Variants in NDUFAF2 observed in about 807,000 individuals in gnomAD.
NDUFAF2 encodes NADH dehydrogenase [ubiquinone] 1 alpha subcomplex assembly factor 2.
Under a neutral mutation model 22.8 loss-of-function variants are expected in NDUFAF2, and 13 were observed. The observed-to-expected ratio is 0.57, with a 90% CI of 0.37 to 0.91. The LOEUF is 0.91. NDUFAF2 is among the 40% of genes least tolerant of loss of function. NDUFAF2 has a pLI of 0.01. For missense variants in NDUFAF2, 162 were observed against 195.2 expected (o/e 0.83, Z 1.01); for synonymous variants, 53 against 64.2 (o/e 0.83, Z 0.84).
At position 61,027,076 on chromosome 5, in the gene NDUFAF2, T is replaced by C. The variant is rs1751659619; in HGVS notation, c.128-46049T>C. Among the ~76,000 whole-genome samples, 7 of 151,698 alleles carry C rather than the reference T, an allele frequency of 4.6e-5. No homozygotes were observed. The South Asian group carries it at 1.0e-3, about 22-fold the overall frequency. Reference sequence around the variant, plus strand: ...AAAATTATATTTAATTTAATATTAGTTTATAAAAAGTGAGAACATTACCCA... The same window carrying C: ...AAAATTATATTTAATTTAATATTAGCTTATAAAAAGTGAGAACATTACCCA... On this transcript the variant is annotated intron_variant, in intron 1 of 3. Coordinates refer to ENST00000296597, the MANE Select transcript of NDUFAF2 (RefSeq NM_174889.5).
intron 1 of NDUFAF2, among the ~76,000 whole-genome samples, chr5:61,026,710 T>C (rs1751654522): frequency 6.6e-6 from 1 of 152,084 alleles, no homozygotes; most frequent in Admixed American, 6.6e-5. Context: ...AAAAATTTTT[T>C]GAATGGATAT....
intron 3 of NDUFAF2, among the ~76,000 whole-genome samples, chr5:61,136,796 G>T (rs1323070992): frequency 6.6e-6 from 1 of 152,200 alleles, no homozygotes; most frequent in East Asian, 1.9e-4. Context: ...ACACATCACA[G>T]AGTTGTTCCA....
At chr5:61,033,807 A>T (rs1465458840) in intron 1 of NDUFAF2, among the ~76,000 whole-genome samples, 2 of 152,192 alleles carry the variant, frequency 1.3e-5, no homozygotes, top group Admixed American at 1.3e-4. Flanking sequence ...CTCAAACAAA[A>T]AAAAGTTGTA....
intron 1 of NDUFAF2, among the ~76,000 whole-genome samples, chr5:60,985,945 G>A (rs530780010): frequency 7.9e-4 from 121 of 152,238 alleles, no homozygotes; most frequent in African/African-American, 2.8e-3. Flanking sequence ...AGAACTACAA[G>A]GAGATATCTC....
chr5:60,976,142 T>C (rs1750899193), intron 1 of NDUFAF2, among the ~76,000 whole-genome samples: 1 of 152,026 alleles, frequency 6.6e-6, no homozygotes, highest in Non-Finnish European at 1.5e-5. Context: ...GGGTCTACTA[T>C]AAAGTAAATA....
chr5:61,098,094 A>G (rs1346965991), intron 2 of NDUFAF2, among the ~76,000 whole-genome samples: 1 of 152,202 alleles, frequency 6.6e-6, no homozygotes, highest in Non-Finnish European at 1.5e-5. Flanking sequence ...GAATAATAGT[A>G]ATAATTATAC....
intron 1 of NDUFAF2, among the ~76,000 whole-genome samples, chr5:60,997,731 T>C (rs1272960372): frequency 6.6e-6 from 1 of 152,210 alleles, no homozygotes; most frequent in Admixed American, 6.5e-5. Flanking sequence ...CAGGATCTGC[T>C]TTTCCGTTCT....
intron 1 of NDUFAF2, among the ~76,000 whole-genome samples, chr5:61,030,280 A>G (rs1751707041): frequency 6.6e-6 from 1 of 152,140 alleles, no homozygotes; most frequent in African/African-American, 2.4e-5. Context: ...CTTCTGACAC[A>G]TATGGTTCTG....
intron 1 of NDUFAF2, among the ~76,000 whole-genome samples, chr5:60,979,675 T>C (rs1038050816): frequency 1.3e-5 from 2 of 151,504 alleles, no homozygotes; most frequent in Non-Finnish European, 2.9e-5. Flanking sequence ...ATTCCTAAGG[T>C]CCCTAATTCC....
At chr5:60,984,458 G>A (rs1362657258) in intron 1 of NDUFAF2, among the ~76,000 whole-genome samples, 2 of 152,038 alleles carry the variant, frequency 1.3e-5, no homozygotes, top group Non-Finnish European at 2.9e-5. Flanking sequence ...GTGAGAGAGG[G>A]CATCCCTGTC....
At chr5:61,118,033 C>G (rs1162945859) in intron 3 of NDUFAF2, among the ~76,000 whole-genome samples, 1 of 152,050 alleles carries the variant, frequency 6.6e-6, no homozygotes, top group African/African-American at 2.4e-5. Context: ...AATTAATTTC[C>G]TCATTCTCTC....
intron 1 of NDUFAF2, among the ~76,000 whole-genome samples, chr5:60,990,108 G>A (rs1041691390): frequency 2.6e-5 from 4 of 152,148 alleles, no homozygotes; most frequent in African/African-American, 9.7e-5. Flanking sequence ...TTAAACAATT[G>A]AACTCATGAA....
At chr5:60,980,260 A>G (rs1184698815) in intron 1 of NDUFAF2, among the ~76,000 whole-genome samples, 1 of 152,232 alleles carries the variant, frequency 6.6e-6, no homozygotes, top group Non-Finnish European at 1.5e-5. Flanking sequence ...GCGAATATCC[A>G]TAAGCATGAA....
intron 1 of NDUFAF2, among the ~76,000 whole-genome samples, chr5:60,974,107 T>C (rs965057429): frequency 1.3e-5 from 2 of 152,190 alleles, no homozygotes; most frequent in African/African-American, 4.8e-5. Context: ...GTCAGTGGAC[T>C]GGGAGGGACA....
intron 1 of NDUFAF2, among the ~76,000 whole-genome samples, chr5:60,986,093 C>T (rs565854308): frequency 1.3e-5 from 2 of 152,100 alleles, no homozygotes; most frequent in South Asian, 4.2e-4. Flanking sequence ...GGAGGTTCTT[C>T]AAAAAACTAA....
chr5:61,007,762 G>A (rs2112595333), intron 1 of NDUFAF2, among the ~76,000 whole-genome samples: 1 of 152,254 alleles, frequency 6.6e-6, no homozygotes. Context: ...CAAGGATCTA[G>A]AACTAGAAAT....
rs540099811 is a variant in NDUFAF2, at chr5:60,945,985, C to T, written c.127+603C>T. Among the ~76,000 whole-genome samples the T allele has an allele frequency of 3.9e-5, 6 of 152,286 alleles. No individual in the cohort carries two copies. The South Asian group carries it at 1.2e-3, about 32-fold the overall frequency. On this transcript the variant is annotated intron_variant, in intron 1 of 3. Transcript: ENST00000296597. The stretch of plus-strand genomic sequence containing the variant: ...TAGGTCCATATCCCCACAAGGCTCG[C>T]TGATTCCTTTCTCGGGAGTTGACAT...
chr5:61,040,573 T>A (rs1246375987), intron 1 of NDUFAF2, among the ~76,000 whole-genome samples: 2 of 152,112 alleles, frequency 1.3e-5, no homozygotes, highest in Non-Finnish European at 2.9e-5. Flanking sequence ...GCCTTTTTTT[T>A]TGTACAAATT....
At chr5:61,004,059 G>A (rs563432863) in intron 1 of NDUFAF2, among the ~76,000 whole-genome samples, 10 of 151,624 alleles carry the variant, frequency 6.6e-5, no homozygotes, top group Non-Finnish European at 1.2e-4. Context: ...CTGTAATAAC[G>A]ACCACTGCTT....
Sources: allele counts gnomAD v4.1 joint callset (sites outside exome capture counted in the v4.1 genomes callset), GRCh38; gene constraint gnomAD v4.1.1; transcripts MANE v1.5; gene names NCBI Gene and HGNC (gene_info 2026-07-23, HGNC 2026-07-21).